PTH2R: variants seen among roughly 807,000 people sequenced by gnomAD.
The protein encoded by PTH2R is parathyroid hormone 2 receptor.
Under a neutral mutation model 60.3 loss-of-function variants are expected in PTH2R, and 59 were observed. That is an observed-to-expected ratio of 0.98 (90% CI 0.79 to 1.22). The LOEUF is 1.22. PTH2R is among the 50% of genes most tolerant of loss of function. PTH2R has a pLI of 0.00. For missense variants in PTH2R, 749 were observed against 682.6 expected (o/e 1.10, Z -1.08); for synonymous variants, 256 against 243.8 (o/e 1.05, Z -0.47).
chr2:208,427,157 C>A (rs1048331620), intron 1 of PTH2R, among the ~76,000 whole-genome samples: 3 of 152,012 alleles, frequency 2.0e-5, no homozygotes, highest in Non-Finnish European at 4.4e-5. Context: ...AATTTGGTCA[C>A]AATTTATACA....
intron 10 of PTH2R, among the ~76,000 whole-genome samples, chr2:208,485,239 G>A (rs1210970727): frequency 2.0e-5 from 3 of 152,180 alleles, no homozygotes; most frequent in Non-Finnish European, 4.4e-5. Flanking sequence ...TAGGGAGAGA[G>A]AGCACAGAAT....
intron 1 of PTH2R, among the ~76,000 whole-genome samples, chr2:208,426,614 T>C (rs1007947691): frequency 2.6e-5 from 4 of 152,236 alleles, no homozygotes; most frequent in African/African-American, 9.6e-5. Context: ...ATGGGGGCGG[T>C]TTCCCCCATG....
intron 7 of PTH2R, among the ~76,000 whole-genome samples, chr2:208,448,118 C>T (rs1702326632): frequency 6.6e-6 from 1 of 152,100 alleles, no homozygotes; most frequent in Non-Finnish European, 1.5e-5. Flanking sequence ...AATCAGGAAA[C>T]AGTCCCACAC....
At position 208,440,165 on chromosome 2, in the gene PTH2R, C is replaced by T. The variant is rs144264049; in HGVS notation, c.412-2199C>T. ...TGAAATAGATGAAGTACTAGCTGGG[C>T]ATAGTGGCCTGTGTCTGTAGTTGCA... On this transcript the variant is annotated intron_variant, in intron 4 of 12. Transcript: ENST00000272847. Among the ~76,000 whole-genome samples, 553 of 152,258 alleles carry T rather than the reference C, an allele frequency of 3.6e-3. 3 individuals are homozygous for T. The highest frequency in any genetic ancestry group is 0.013 in the African/African-American group (523 of 41,554).
chr2:208,399,194 A>G (rs1701263801), intron 1 of PTH2R, among the ~76,000 whole-genome samples: 1 of 152,104 alleles, frequency 6.6e-6, no homozygotes, highest in Admixed American at 6.5e-5. Flanking sequence ...TATACTCTCC[A>G]TTATCTTTCC....
chr2:208,438,646 A>G (rs16841205), intron 4 of PTH2R, among the ~76,000 whole-genome samples: 7,272 of 152,290 alleles, frequency 0.048, 257 homozygotes, highest in African/African-American at 0.1. Flanking sequence ...AAAATGCATG[A>G]TGATATATGC....
At chr2:208,401,398 C>G (rs967433629) in intron 1 of PTH2R, among the ~76,000 whole-genome samples, 1 of 151,950 alleles carries the variant, frequency 6.6e-6, no homozygotes, top group African/African-American at 2.4e-5. Context: ...CTTCCCACTA[C>G]TATCAACACT....
chr2:208,411,425 G>A (rs1701537892), intron 1 of PTH2R, among the ~76,000 whole-genome samples: 1 of 152,202 alleles, frequency 6.6e-6, no homozygotes, highest in African/African-American at 2.4e-5. Flanking sequence ...TTAAATCCCT[G>A]AGGAATGGGC....
chr2:208,378,387 G>A (rs1166537133), intron 1 of PTH2R, among the ~76,000 whole-genome samples: 1 of 152,022 alleles, frequency 6.6e-6, no homozygotes, highest in Non-Finnish European at 1.5e-5. Flanking sequence ...GGGAGACTGT[G>A]GGGAGAGGGA....
rs372122864 is a variant in PTH2R at position 208,493,415 on chromosome 2, G to A, written c.1409G>A (p.Arg470His). The A allele has an allele frequency of 5.0e-6, 8 of 1,610,274 alleles. No homozygotes were observed. Among genetic ancestry groups the A allele is most frequent in the East Asian group, 2.2e-5 (1 of 44,778 alleles). ...SSQSQVAASTRMVLISGKAAK... is the reference protein window; with the variant it reads ...SSQSQVAASTHMVLISGKAAK... Reference sequence around the variant, plus strand: ...CAGTCACAGGTGGCGGCCAGCACACGCATGGTGCTTATCTCTGGCAAAGCT... The same window carrying A: ...CAGTCACAGGTGGCGGCCAGCACACACATGGTGCTTATCTCTGGCAAAGCT... The change falls in exon 13 of 13, where the codon CGC becomes CAC. Residue 470 changes from arginine (R) to histidine (H), a missense_variant. Coordinates refer to ENST00000272847, the MANE Select transcript of PTH2R (RefSeq NM_005048.4).
At chr2:208,446,077 GAAAA>G (rs1702282524) in intron 7 of PTH2R, among the ~76,000 whole-genome samples, 1 of 152,140 alleles carries the variant, frequency 6.6e-6, no homozygotes, top group African/African-American at 2.4e-5. Context: ...GGTGTTGATA[GAAAA>G]TTCAATAATG....
rs577033445 is a variant in PTH2R at position 208,448,318 on chromosome 2, T to C, written c.854-2431T>C. Among the ~76,000 whole-genome samples, 49 of 152,326 alleles carry C rather than the reference T, an allele frequency of 3.2e-4. No individual in the cohort carries two copies. The Middle Eastern group carries it at 0.01, about 32-fold the overall frequency. On this transcript the variant is annotated intron_variant, in intron 7 of 12. Coordinates refer to ENST00000272847, the MANE Select transcript of PTH2R (RefSeq NM_005048.4). ...TATGTATCATATTCAACATTTTTAA[T>C]TTGTAGTTATTTTAAAGTTAATTTA...
intron 2 of PTH2R, among the ~76,000 whole-genome samples, chr2:208,432,858 C>T (rs546212509): frequency 6.6e-5 from 10 of 152,234 alleles, no homozygotes; most frequent in Admixed American, 6.5e-4. Flanking sequence ...ACCTTCTTCC[C>T]CCTGCTTTGT....
intron 9 of PTH2R, among the ~76,000 whole-genome samples, chr2:208,468,429 A>G (rs964237859): frequency 6.6e-6 from 1 of 152,142 alleles, no homozygotes; most frequent in Admixed American, 6.6e-5. Flanking sequence ...CTTCAGCATC[A>G]ATGTCCCTAC....
rs1023795089 is a variant in PTH2R, at chr2:208,446,820, T to C, written c.853+1933T>C. Among the ~76,000 whole-genome samples, 5 of 152,370 alleles carry C rather than the reference T, an allele frequency of 3.3e-5. No homozygotes were observed. The South Asian group carries it at 6.2e-4, about 19-fold the overall frequency. On this transcript the variant is annotated intron_variant, in intron 7 of 12. Coordinates refer to ENST00000272847, the MANE Select transcript of PTH2R (RefSeq NM_005048.4). Reference sequence around the variant, plus strand: ...GAGACTGATTTAAAAACATTATTTATATATCTGACTCATTTTTCTAAATTC... The same window carrying C: ...GAGACTGATTTAAAAACATTATTTACATATCTGACTCATTTTTCTAAATTC...
chr2:208,364,085 G>A (rs1473718732), intron 1 of PTH2R, among the ~76,000 whole-genome samples: 3 of 152,052 alleles, frequency 2.0e-5, no homozygotes, highest in South Asian at 2.1e-4. Context: ...TGATTATTTT[G>A]TTGTTGAATT....
intron 8 of PTH2R, among the ~76,000 whole-genome samples, chr2:208,455,400 T>A (rs1439140383): frequency 6.6e-6 from 1 of 152,192 alleles, no homozygotes; most frequent in Non-Finnish European, 1.5e-5. Flanking sequence ...TTCTCAAAGC[T>A]TACCGCTAGA....
At chr2:208,469,653 A>G (rs1445746465) in intron 9 of PTH2R, among the ~76,000 whole-genome samples, 1 of 152,188 alleles carries the variant, frequency 6.6e-6, no homozygotes. Flanking sequence ...GTGTGTTAAA[A>G]TTATGTTTAA....
intron 8 of PTH2R, among the ~76,000 whole-genome samples, chr2:208,459,063 T>A (rs1413323718): frequency 6.6e-6 from 1 of 152,118 alleles, no homozygotes; most frequent in Non-Finnish European, 1.5e-5. Flanking sequence ...TAATTTACAC[T>A]CCCACCAACA....
Sources: gnomAD v4.1 joint callset for allele counts (sites outside exome capture counted in the v4.1 genomes callset) on GRCh38, gnomAD v4.1.1 for gene constraint, MANE v1.5 for transcripts, NCBI Gene and HGNC (gene_info 2026-07-23, HGNC 2026-07-21) for gene names.